ACOXL: variants seen among roughly 807,000 people sequenced by gnomAD.
ACOXL encodes the protein acyl-coenzyme A oxidase-like protein.
Under a neutral mutation model 71.9 loss-of-function variants are expected in ACOXL, and 70 were observed. That is an observed-to-expected ratio of 0.97 (90% confidence interval 0.80 to 1.19). The LOEUF (loss-of-function observed/expected upper bound fraction) is 1.19, where lower values mean the gene tolerates loss of function less well. Among genes scored for constraint, ACOXL ranks in the 50% most tolerant of loss-of-function variants. The pLI is 0.00. For missense variants in ACOXL, 703 were observed against 736.3 expected (o/e 0.95, Z 0.52); for synonymous variants, 253 against 281.6 (o/e 0.90, Z 1.02).
chr2:111,041,752 CTCCAGAAGGGG>C (rs2065797356), intron 15 of ACOXL, among the ~76,000 whole-genome samples: 1 of 152,212 alleles, frequency 6.6e-6, no homozygotes, highest in South Asian at 2.1e-4. Context: ...AGTCCGTGGG[CTCCAGAAGGGG>C]TCCAGATGAG....
chr2:110,970,347 A>G (rs984568245), intron 12 of ACOXL, among the ~76,000 whole-genome samples: 2 of 152,246 alleles, frequency 1.3e-5, no homozygotes, highest in East Asian at 1.9e-4. Flanking sequence ...TCAAAAATCA[A>G]TCAAATGCAA....
At chr2:110,964,443 TA>T (rs1471326712) in intron 12 of ACOXL, among the ~76,000 whole-genome samples, 1 of 152,200 alleles carries the variant, frequency 6.6e-6, no homozygotes, top group East Asian at 1.9e-4. Context: ...ATACGGTAAG[TA>T]AAAATGATAC....
At chr2:111,115,849 A>T (rs2070314020) in intron 17 of ACOXL, among the ~76,000 whole-genome samples, 1 of 152,216 alleles carries the variant, frequency 6.6e-6, no homozygotes, top group South Asian at 2.1e-4. Flanking sequence ...CTTATGAGTG[A>T]AGAAACCCTC....
chr2:110,849,296 G>C (rs1277510513), intron 10 of ACOXL, among the ~76,000 whole-genome samples: 1 of 152,168 alleles, frequency 6.6e-6, no homozygotes, highest in Non-Finnish European at 1.5e-5. Context: ...GGAGGAACTG[G>C]TTAGTCTTTC....
At chr2:111,017,296 G>A (rs1267913958) in intron 14 of ACOXL, among the ~76,000 whole-genome samples, 1 of 152,222 alleles carries the variant, frequency 6.6e-6, no homozygotes, top group Non-Finnish European at 1.5e-5. Context: ...CATTTGTTGA[G>A]TTCCTGCCAT....
chr2:111,115,644 G>A (rs1017789938), intron 17 of ACOXL: 7 of 152,210 alleles, frequency 4.6e-5, no homozygotes, highest in African/African-American at 1.7e-4. Context: ...CAGGAATGAT[G>A]CCGGATCCGT....
chr2:110,957,106 G>A (rs574017157), intron 12 of ACOXL, among the ~76,000 whole-genome samples: 12 of 152,056 alleles, frequency 7.9e-5, no homozygotes, highest in Admixed American at 3.9e-4. Flanking sequence ...GTAAGCTCAC[G>A]GAAAATCTTA....
intron 10 of ACOXL, 29 bp from the exon 11 acceptor site, chr2:110,908,760 T>C: frequency 6.3e-7 from 1 of 1,582,068 alleles, no homozygotes. Context: ...TGGATTTTGG[T>C]AAAAATCGTG....
In ACOXL at chr2:110,784,201, C is replaced by T. The variant is rs192270828; in HGVS notation, c.76-531C>T. Reference sequence around the variant, plus strand: ...TCTTGGGAGGCTGAGCCAGGATGATCGTTTGAGCCCAGAAGTTCATGTACA... The same window carrying T: ...TCTTGGGAGGCTGAGCCAGGATGATTGTTTGAGCCCAGAAGTTCATGTACA... On this transcript the variant is annotated intron_variant, in intron 2 of 17. Coordinates refer to ENST00000439055, the MANE Select transcript of ACOXL (RefSeq NM_001142807.4). 3.6e-4 allele frequency among the ~76,000 whole-genome samples: 55 copies of T among 151,920 alleles called. No homozygotes were observed. The South Asian group carries it at 4.8e-3, about 13-fold the overall frequency.
chr2:111,094,600 A>G (rs1372127252), intron 17 of ACOXL, among the ~76,000 whole-genome samples: 3 of 152,180 alleles, frequency 2.0e-5, no homozygotes, highest in Admixed American at 1.3e-4. Flanking sequence ...GACAGCATTA[A>G]TCCATTCATG....
At chr2:111,040,808 G>A (rs974053549) in intron 15 of ACOXL, among the ~76,000 whole-genome samples, 13 of 152,204 alleles carry the variant, frequency 8.5e-5, no homozygotes, top group African/African-American at 2.9e-4. Flanking sequence ...TTGGGAAAGT[G>A]CTTGTGGCTT....
chr2:111,116,905 C>T lies in ACOXL; in HGVS notation c.1543-711C>T, dbSNP rs151330508. 6.7e-3 allele frequency among the ~76,000 whole-genome samples: 1,026 copies of T among 152,298 alleles called. 17 individuals carry two copies. Among genetic ancestry groups the T allele is most frequent in the African/African-American group, 0.023 (975 of 41,564 alleles). On this transcript the variant is annotated intron_variant, in intron 17 of 17. Transcript: ENST00000439055. The stretch of plus-strand genomic sequence containing the variant: ...TTCCAAAACACTGACTTGCATCTCC[C>T]TCTCCTATCCGCCGGGAATGTCTTA...
chr2:110,806,745 G>T (rs1446321696), intron 9 of ACOXL, among the ~76,000 whole-genome samples: 1 of 152,172 alleles, frequency 6.6e-6, no homozygotes, highest in Non-Finnish European at 1.5e-5. Context: ...AACGCAAGGT[G>T]GTCAGCGGCC....
intron 16 of ACOXL, among the ~76,000 whole-genome samples, chr2:111,052,539 G>T (rs35417311): frequency 6.6e-6 from 1 of 151,930 alleles, no homozygotes; most frequent in Non-Finnish European, 1.5e-5. Context: ...CTAGGGAAAC[G>T]GTACCCAAGG....
At chr2:111,079,002 C>G (rs2067752440) in intron 16 of ACOXL, among the ~76,000 whole-genome samples, 1 of 152,216 alleles carries the variant, frequency 6.6e-6, no homozygotes, top group African/African-American at 2.4e-5. Context: ...ACAGGCCAGT[C>G]TGGCATCTGA....
chr2:110,879,499 C>G (rs1191121521), intron 10 of ACOXL, among the ~76,000 whole-genome samples: 1 of 152,150 alleles, frequency 6.6e-6, no homozygotes, highest in Non-Finnish European at 1.5e-5. Context: ...CGGAAAAGAA[C>G]TGAAGAATAT....
intron 12 of ACOXL, among the ~76,000 whole-genome samples, chr2:110,957,401 T>A (rs2061539154): frequency 6.6e-6 from 1 of 152,214 alleles, no homozygotes; most frequent in Non-Finnish European, 1.5e-5. Flanking sequence ...TGGTTTGAGC[T>A]AACACTTCCC....
chr2:110,990,179 T>C (rs1217767351), intron 13 of ACOXL, among the ~76,000 whole-genome samples: 2 of 152,248 alleles, frequency 1.3e-5, no homozygotes, highest in Non-Finnish European at 2.9e-5. Context: ...AATTGACATA[T>C]TTATAAAGCA....
chr2:110,934,551 G>A (rs1195613120), intron 12 of ACOXL, among the ~76,000 whole-genome samples: 2 of 152,198 alleles, frequency 1.3e-5, no homozygotes, highest in African/African-American at 4.8e-5. Flanking sequence ...TGGATCAAGG[G>A]CAAGTCAAGG....
Sources: gnomAD v4.1 joint callset for allele counts (sites outside exome capture counted in the v4.1 genomes callset) on GRCh38, gnomAD v4.1.1 for gene constraint, MANE v1.5 for transcripts, NCBI Gene and HGNC (gene_info 2026-07-23, HGNC 2026-07-21) for gene names.